The following RASAL2 variants were observed in gnomAD, a reference collection of about 807,000 sequenced individuals.
The protein encoded by RASAL2 is ras GTPase-activating protein nGAP.
In RASAL2, 58 loss-of-function variants were observed where a neutral mutation model predicts 128.9. That is an observed-to-expected ratio of 0.45 (90% CI 0.36 to 0.56). RASAL2 has a LOEUF of 0.56. Ranked by LOEUF, RASAL2 falls within the 20% of genes least tolerant of loss-of-function variation. The probability of loss-of-function intolerance (pLI) is 0.00; values close to 1 mark genes in which losing one functional copy is unlikely to be tolerated. For synonymous variants in RASAL2, 561 were observed against 580.8 expected, an observed-to-expected ratio of 0.97 and a Z score of 0.49; for missense variants, 1,360 against 1,601.6, an observed-to-expected ratio of 0.85 and a Z score of 2.57.
intron 1 of RASAL2, among the ~76,000 whole-genome samples, chr1:178,217,611 C>A (rs1663465123): frequency 1.3e-5 from 2 of 152,142 alleles, no homozygotes; most frequent in African/African-American, 4.8e-5. Flanking sequence ...GTTTCTCAGT[C>A]CATATAAAAG....
chr1:178,105,683 G>GTT (rs1659061318), intron 1 of RASAL2, among the ~76,000 whole-genome samples: 1 of 150,448 alleles, frequency 6.6e-6, no homozygotes, highest in African/African-American at 2.4e-5. Context: ...GTTTTTTGGG[G>GTT]TTCTTTTTTT....
At chr1:178,390,476 T>A (rs72707021) in intron 4 of RASAL2, among the ~76,000 whole-genome samples, 132 of 152,244 alleles carry the variant, frequency 8.7e-4, no homozygotes, top group Non-Finnish European at 1.5e-3. Context: ...CCTCCCGAGT[T>A]TAGGCGATTC....
In RASAL2 at chr1:178,353,409, A is replaced by G. The variant is rs181138992; in HGVS notation, c.458-36691A>G. On this transcript the variant is annotated intron_variant, in intron 3 of 17. Coordinates refer to ENST00000367649, the MANE Select transcript of RASAL2 (RefSeq NM_170692.4). ...AGGCCACCAGGTTCTTTGCTAATGCATAACAAAAGTGACCTTTGCTCCAGT... is the reference window on the plus strand; with the variant it reads ...AGGCCACCAGGTTCTTTGCTAATGCGTAACAAAAGTGACCTTTGCTCCAGT... Among the ~76,000 whole-genome samples, 6 of 152,344 alleles carry G rather than the reference A, an allele frequency of 3.9e-5. No homozygotes were observed. In the South Asian group the frequency reaches 6.2e-4, roughly 16 times the overall value.
chr1:178,460,882 C>T (rs191935444), intron 14 of RASAL2, among the ~76,000 whole-genome samples: 158 of 152,152 alleles, frequency 1.0e-3, no homozygotes, highest in Admixed American at 3.5e-3. Flanking sequence ...GGCACGATCT[C>T]GGCTCACTGT....
intron 1 of RASAL2, among the ~76,000 whole-genome samples, chr1:178,129,259 T>TA (rs1186133632): frequency 6.6e-6 from 1 of 152,124 alleles, no homozygotes; most frequent in African/African-American, 2.4e-5. Context: ...ATTTTTCTGT[T>TA]ACTTTTTTCA....
chr1:178,145,755 G>T (rs1660712741), intron 1 of RASAL2, among the ~76,000 whole-genome samples: 1 of 152,166 alleles, frequency 6.6e-6, no homozygotes, highest in Non-Finnish European at 1.5e-5. Context: ...GGACAACTGT[G>T]CCTACAGGAC....
chr1:178,174,826 CT>C (rs1353948139), intron 1 of RASAL2, among the ~76,000 whole-genome samples: 1 of 152,156 alleles, frequency 6.6e-6, no homozygotes, highest in Non-Finnish European at 1.5e-5. Flanking sequence ...AAATTCAGCT[CT>C]TTCCTGAGCT....
At position 178,390,201 on chromosome 1, in the gene RASAL2, G is replaced by C; in HGVS notation, c.559G>C (p.Val187Leu). ...CACTGCAAATACCTCACCCTTCAAA[G>C]TACCAGTAAGTGTTTATCTTCTTTA... Reference protein sequence around the residue: ...MDTANTSPFKVPGFFSKRLKG... With the variant: ...MDTANTSPFKLPGFFSKRLKG... The change falls in exon 4 of 18, where the codon GTA becomes CTA. Residue 187 changes from valine to leucine, a missense_variant. Transcript: ENST00000367649. 4 of 1,597,180 alleles carry C rather than the reference G, an allele frequency of 2.5e-6. No individual in the cohort carries two copies. Among genetic ancestry groups the C allele is most frequent in the Non-Finnish European group, 3.4e-6 (4 of 1,166,438 alleles).
In RASAL2 at chr1:178,452,145, CAGG is replaced by C. The variant is rs747292863; in HGVS notation, c.1773-268_1773-266del. 9.9e-4 allele frequency among the ~76,000 whole-genome samples: 151 copies of C among 152,180 alleles called. 1 individual carries two copies. The highest frequency in any genetic ancestry group is 1.7e-3 in the Admixed American group (26 of 15,286). The stretch of plus-strand genomic sequence containing the variant: ...GTTATACTAAACCAGATGGTTTAGT[CAGG>C]AGCCTCATGCCATTTTCCCACTTTG... On this transcript the variant is annotated intron_variant, in intron 10 of 17. Transcript: ENST00000367649.
At chr1:178,472,317 T>C (rs1311334619) in intron 17 of RASAL2, among the ~76,000 whole-genome samples, 1 of 152,214 alleles carries the variant, frequency 6.6e-6, no homozygotes, top group African/African-American at 2.4e-5. Flanking sequence ...AAAGCATTTT[T>C]TTTCAGAGAC....
At chr1:178,168,742 G>A (rs1661600948) in intron 1 of RASAL2, among the ~76,000 whole-genome samples, 1 of 152,092 alleles carries the variant, frequency 6.6e-6, no homozygotes, top group Admixed American at 6.6e-5. Flanking sequence ...ACCATCACAT[G>A]AGAGGTGGGT....
intron 1 of RASAL2, among the ~76,000 whole-genome samples, chr1:178,118,812 A>AT (rs1321710498): frequency 6.6e-6 from 1 of 151,690 alleles, no homozygotes; most frequent in East Asian, 1.9e-4. Flanking sequence ...GAAATGACAG[A>AT]TTGAGTTTGT....
At chr1:178,292,471 T>C (rs1667321645) in intron 2 of RASAL2, among the ~76,000 whole-genome samples, 1 of 152,242 alleles carries the variant, frequency 6.6e-6, no homozygotes, top group African/African-American at 2.4e-5. Flanking sequence ...TGGGGCAGAA[T>C]GCTGAAAGAG....
chr1:178,240,861 T>C (rs1379294048), intron 1 of RASAL2, among the ~76,000 whole-genome samples: 1 of 151,466 alleles, frequency 6.6e-6, no homozygotes, highest in Non-Finnish European at 1.5e-5. Flanking sequence ...TTTAGGAAAA[T>C]TATTGGAAGA....
At chr1:178,176,800 C>T (rs1442830240) in intron 1 of RASAL2, among the ~76,000 whole-genome samples, 1 of 152,006 alleles carries the variant, frequency 6.6e-6, no homozygotes, top group Admixed American at 6.6e-5. Context: ...CGTGTGCCAC[C>T]ATGCCTGGCT....
At chr1:178,261,122 G>A (rs1665674204) in intron 1 of RASAL2, among the ~76,000 whole-genome samples, 1 of 152,108 alleles carries the variant, frequency 6.6e-6, no homozygotes, top group African/African-American at 2.4e-5. Context: ...TCTAATTTTA[G>A]TCTCTGTGAA....
At chr1:178,412,471 A>T (rs947680713) in intron 4 of RASAL2, among the ~76,000 whole-genome samples, 2 of 152,216 alleles carry the variant, frequency 1.3e-5, no homozygotes, top group Non-Finnish European at 2.9e-5. Context: ...ACCATTTCTC[A>T]GGTTAAAACT....
At chr1:178,159,288 C>A (rs372084510) in intron 1 of RASAL2, among the ~76,000 whole-genome samples, 2 of 152,030 alleles carry the variant, frequency 1.3e-5, no homozygotes. Context: ...AGAAACATTG[C>A]GAATGAGGTG....
At position 178,478,461 on chromosome 1, in the gene RASAL2, G is replaced by A. The variant is rs1234892252; in HGVS notation, c.*5222G>A. ...TAAGCAGACAGCAGCACATTAACCTGAGTTACACCTGTGAGGAAATGACCT... is the reference window on the plus strand; with the variant it reads ...TAAGCAGACAGCAGCACATTAACCTAAGTTACACCTGTGAGGAAATGACCT... On this transcript the variant is annotated 3_prime_UTR_variant, in exon 18 of 18. Transcript: ENST00000367649. 6.6e-6 allele frequency: 1 copy of A among 152,194 alleles called. No individual in the cohort carries two copies. Among genetic ancestry groups the A allele is most frequent in the African/African-American group, 2.4e-5 (1 of 41,442 alleles). 9.4% of individuals were successfully genotyped at this position (152,194 alleles called of 1,614,324 possible). A position where few individuals can be genotyped will look rare whatever the true frequency, so the allele number is the denominator to read the frequency against.
Sources: allele counts gnomAD v4.1 joint callset (sites outside exome capture counted in the v4.1 genomes callset), GRCh38; gene constraint gnomAD v4.1.1; transcripts MANE v1.5; gene names NCBI Gene and HGNC (gene_info 2026-07-23, HGNC 2026-07-21).